DNAH2: variants seen among roughly 807,000 people sequenced by gnomAD.
DNAH2 encodes the protein dynein axonemal heavy chain 2.
A neutral mutation model predicts 523.5 loss-of-function variants in DNAH2; 323 were observed. The observed-to-expected ratio is 0.62, with a 90% CI of 0.56 to 0.68. DNAH2 has a LOEUF of 0.68. DNAH2 is among the 30% of genes least tolerant of loss of function. The pLI is 0.00. For synonymous variants in DNAH2, 2,093 were observed against 2,177.4 expected (o/e 0.96, Z 1.08); for missense variants, 4,907 against 5,701.5 (o/e 0.86, Z 4.49).
chr17:7,771,171 C>T (rs763622919), intron 27 of DNAH2, among the ~76,000 whole-genome samples, 159 bp from the exon 28 acceptor site: 4 of 152,138 alleles, frequency 2.6e-5, no homozygotes, highest in Admixed American at 6.5e-5. Flanking sequence ...TAGCTGGCCC[C>T]CTACCTCCAG....
chr17:7,771,015 C>A, intron 27 of DNAH2, 82 bp downstream of exon 27: 1 of 1,461,750 alleles, frequency 6.8e-7, no homozygotes, highest in South Asian at 1.3e-5. Context: ...GCCCTGTTAT[C>A]AGCCTCATTC....
At chr17:7,753,480 A>G (rs952031395) in intron 12 of DNAH2, among the ~76,000 whole-genome samples, 2 of 152,186 alleles carry the variant, frequency 1.3e-5, no homozygotes, top group African/African-American at 4.8e-5. Flanking sequence ...AGGGAGCTGC[A>G]AGGAAAGCAG....
rs1469022446 is a variant in DNAH2 at position 7,739,769 on chromosome 17, G to A, written c.1207G>A (p.Asp403Asn). 2 of 1,613,718 alleles carry A rather than the reference G, an allele frequency of 1.2e-6. No homozygotes were observed. Among genetic ancestry groups the A allele is most frequent in the East Asian group, 2.2e-5 (1 of 44,898 alleles). Residue 403 changes from aspartate (D) to asparagine (N), a missense_variant, in exon 9 of 86, where the codon GAT becomes AAT. This residue lies in a region of DNAH2 where 2,806 missense variants were observed against 3,190.8 expected (regional missense o/e 0.88). Transcript: ENST00000572933. ...DCQYHFARWE[D>N]GKQGPLPCFF... ...TCAGTATCACTTCGCCCGCTGGGAAGATGGCAAGCAGGGTCCCCTTCCTTG... is the reference window on the plus strand; with the variant it reads ...TCAGTATCACTTCGCCCGCTGGGAAAATGGCAAGCAGGGTCCCCTTCCTTG...
In DNAH2 at chr17:7,758,518, A is replaced by C. The variant is rs761201295; in HGVS notation, c.2075A>C (p.Asp692Ala). Residue 692 changes from aspartate to alanine, a missense_variant, in exon 14 of 86, where the codon GAT (aspartate) becomes GCT (alanine). Asp to Ala is a moderately radical substitution (Grantham distance 126). Around this residue, in one of 3 missense-constraint regions of DNAH2, gnomAD observed 2,806 missense variants for 3,190.8 expected, o/e 0.88. Transcript: ENST00000572933. Reference protein sequence around the residue: ...YNRIIAMLSPDEQALFKERIR... With the variant: ...YNRIIAMLSPAEQALFKERIR... ...AGGATTATTGCCATGCTGTCCCCAGATGAGCAGGCCCTATTCAAAGAGCGT... is the reference window on the plus strand; with the variant it reads ...AGGATTATTGCCATGCTGTCCCCAGCTGAGCAGGCCCTATTCAAAGAGCGT... 6.2e-7 allele frequency: 1 copy of C among 1,614,094 alleles called. No homozygotes were observed. Among genetic ancestry groups the C allele is most frequent in the South Asian group, 1.1e-5 (1 of 91,054 alleles).
At position 7,771,206 on chromosome 17, in the gene DNAH2, T is replaced by G. The variant is rs2076305031; in HGVS notation, c.4363-124T>G. On this transcript the variant is annotated intron_variant, in intron 27 of 85. Coordinates refer to ENST00000572933, the MANE Select transcript of DNAH2 (RefSeq NM_020877.5). ...GCTTTCCTTGTAGAACTTGGGCATC[T>G]TGGCCTTTGACTTCTAGCACTCTGT... The G allele has an allele frequency of 3.5e-6, 5 of 1,413,442 alleles. No individual in the cohort carries two copies. The East Asian group carries it at 1.1e-4, about 32-fold the overall frequency. The allele number at this position is 1,413,442 out of a possible 1,614,324, so 87.6% of individuals were successfully genotyped here.
rs543675554 is a variant in DNAH2 at position 7,819,799 on chromosome 17, T to C, written c.11015+391T>C. Among the ~76,000 whole-genome samples the C allele has an allele frequency of 5.9e-5, 9 of 152,256 alleles. No individual in the cohort carries two copies. In the East Asian group the frequency reaches 1.3e-3, roughly 23 times the overall value. The stretch of plus-strand genomic sequence containing the variant: ...ACTGCTCCTGGTCTGTGGATCACAT[T>C]TGAGCAGCAAGGAACTGGACTTCTC... On this transcript the variant is annotated intron_variant, in intron 72 of 85. Transcript: ENST00000572933.
Position 7,770,334 on chromosome 17 carries a change from C to A in DNAH2, c.4024C>A (p.Leu1342Ile), listed in dbSNP as rs1272003755. The change falls in exon 25 of 86, where the codon CTT becomes ATT. Residue 1342 changes from leucine to isoleucine, a missense_variant. By Grantham distance (5) the Leu-to-Ile change is conservative. Around this residue, in one of 3 missense-constraint regions of DNAH2, gnomAD observed 2,806 missense variants for 3,190.8 expected, o/e 0.88. Coordinates refer to ENST00000572933, the MANE Select transcript of DNAH2 (RefSeq NM_020877.5). ...ESFTLEQIVE[L>I]GMDQHVEKIG... Reference sequence around the variant, plus strand: ...CTTCACCTTGGAGCAGATTGTGGAGCTTGGGATGGATCAGCATGTGGAGAA... The same window carrying A: ...CTTCACCTTGGAGCAGATTGTGGAGATTGGGATGGATCAGCATGTGGAGAA... 6.2e-7 allele frequency: 1 copy of A among 1,614,070 alleles called. No individual in the cohort carries two copies. The highest frequency in any genetic ancestry group is 1.7e-5 in the Admixed American group (1 of 59,992).
rs749196380 is a variant in DNAH2 at position 7,801,938 on chromosome 17, C to G, written c.8893C>G (p.Gln2965Glu). 2.5e-6 allele frequency: 4 copies of G among 1,614,204 alleles called. No homozygotes were observed. The highest frequency in any genetic ancestry group is 2.5e-6 in the Non-Finnish European group (3 of 1,180,036). Residue 2965 changes from glutamine to glutamate, a missense_variant, in exon 58 of 86, where the codon CAG becomes GAG. Physicochemically the swap from Gln to Glu is conservative, Grantham distance 29. Around this residue, in one of 3 missense-constraint regions of DNAH2, gnomAD observed 1,851 missense variants for 2,139.4 expected, o/e 0.87. Coordinates refer to ENST00000572933, the MANE Select transcript of DNAH2 (RefSeq NM_020877.5). ...TMHWSVAQYS[Q>E]KMLLELRRHN... ...GCACTGGTCAGTAGCTCAGTATTCC[C>G]AGAAGATGCTGTTGGAACTGCGGAG...
At chr17:7,805,795 A>G (rs1407291576) in intron 61 of DNAH2, among the ~76,000 whole-genome samples, 2 of 152,154 alleles carry the variant, frequency 1.3e-5, no homozygotes, top group African/African-American at 4.8e-5. Flanking sequence ...CTGAGGCTGC[A>G]GTGAGCCGAG....
Position 7,734,464 on chromosome 17 carries a change from C to G in DNAH2, c.740-6C>G, listed in dbSNP as rs1317771447. ...AACGAAGGAGATTTTGTACTCTCCCCTGCAGCCTCCATGATCCACTGGACC... is the reference window on the plus strand; with the variant it reads ...AACGAAGGAGATTTTGTACTCTCCCGTGCAGCCTCCATGATCCACTGGACC... On this transcript the variant is annotated splice_region_variant and splice_polypyrimidine_tract_variant and intron_variant, in intron 6 of 85. Coordinates refer to ENST00000572933, the MANE Select transcript of DNAH2 (RefSeq NM_020877.5). 5 of 1,613,704 alleles carry G rather than the reference C, an allele frequency of 3.1e-6. No individual in the cohort carries two copies. The highest frequency in any genetic ancestry group is 4.2e-6 in the Non-Finnish European group (5 of 1,179,896).
intron 2 of DNAH2, among the ~76,000 whole-genome samples, chr17:7,720,722 A>G (rs946525459): frequency 8.5e-5 from 13 of 152,306 alleles, no homozygotes; most frequent in African/African-American, 3.1e-4. Flanking sequence ...AAGCGTGGGC[A>G]TGGGAGAAAA....
intron 35 of DNAH2, among the ~76,000 whole-genome samples, 190 bp from the exon 36 acceptor site, chr17:7,779,053 C>T (rs987367479): frequency 5.3e-5 from 8 of 152,214 alleles, no homozygotes; most frequent in African/African-American, 1.9e-4. Flanking sequence ...AGCATCACCC[C>T]AGATTGGCCC....
At chr17:7,734,037 A>T (rs1412076340) in intron 5 of DNAH2, 146 bp from the exon 6 acceptor site, 2 of 669,404 alleles carry the variant, frequency 3.0e-6, no homozygotes, top group Non-Finnish European at 2.5e-6. Flanking sequence ...TCTTGATATC[A>T]AAAAAGCATG....
chr17:7,778,002 C>T (rs1219468080), intron 33 of DNAH2, 75 bp from the exon 34 acceptor site: 2 of 1,345,470 alleles, frequency 1.5e-6, no homozygotes, highest in Non-Finnish European at 1.1e-6. Flanking sequence ...CTCTGAGCCC[C>T]ACTCTCAGTC....
rs368693320 is a variant in DNAH2, at chr17:7,830,676, A to C, written c.12064A>C (p.Ser4022Arg). The C allele has an allele frequency of 1.5e-5, 24 of 1,614,024 alleles. No homozygotes were observed. The African/African-American group carries it at 3.2e-4, about 22-fold the overall frequency. The change falls in exon 79 of 86, where the codon AGC becomes CGC. Residue 4022 changes from serine to arginine, a missense_variant. By Grantham distance (110) the Ser-to-Arg change is moderately radical. This residue lies in a region of DNAH2 where 1,851 missense variants were observed against 2,139.4 expected (regional missense o/e 0.87). Coordinates refer to ENST00000572933, the MANE Select transcript of DNAH2 (RefSeq NM_020877.5). ...SDFEVSENLL[S>R]LYLDEYEETP... Reference sequence around the variant, plus strand: ...TGCCTAGGTGTCAGAAAACTTGCTGAGCCTCTATCTCGATGAGTACGAGGA... The same window carrying C: ...TGCCTAGGTGTCAGAAAACTTGCTGCGCCTCTATCTCGATGAGTACGAGGA...
At chr17:7,726,197 G>A (rs2074803586) in intron 3 of DNAH2, among the ~76,000 whole-genome samples, 1 of 151,938 alleles carries the variant, frequency 6.6e-6, no homozygotes, top group Admixed American at 6.6e-5. Flanking sequence ...GTAGAGATGG[G>A]GTTTCACCAT....
chr17:7,750,281 A>G (rs1597526714), intron 12 of DNAH2, among the ~76,000 whole-genome samples: 1 of 152,114 alleles, frequency 6.6e-6, no homozygotes, highest in Non-Finnish European at 1.5e-5. Flanking sequence ...ACAATCTGAC[A>G]TACTGGGTAT....
In DNAH2 at chr17:7,749,074, C is replaced by T. The variant is rs377484141; in HGVS notation, c.1904+5932C>T. On this transcript the variant is annotated intron_variant, in intron 12 of 85. Transcript: ENST00000572933. Reference sequence around the variant, plus strand: ...CTGTAATCCCAGCACTTTGGGAGGCCGAGGTGGGTGGATCACCTGAGGTCA... The same window carrying T: ...CTGTAATCCCAGCACTTTGGGAGGCTGAGGTGGGTGGATCACCTGAGGTCA... 2.7e-4 allele frequency among the ~76,000 whole-genome samples: 41 copies of T among 150,902 alleles called. 1 individual carries two copies. The highest frequency in any genetic ancestry group is 6.8e-3 in the Middle Eastern group (2 of 292).
chr17:7,801,654 C>T lies in DNAH2; in HGVS notation c.8776C>T (p.Leu2926=). 1 of 1,614,194 alleles carries T rather than the reference C, an allele frequency of 6.2e-7. No individual in the cohort carries two copies. Among genetic ancestry groups the T allele is most frequent in the Non-Finnish European group, 8.5e-7 (1 of 1,180,034 alleles). The change falls in exon 57 of 86, where the codon CTG becomes TTG. Residue 2926 remains leucine (L), a synonymous_variant. Coordinates refer to ENST00000572933, the MANE Select transcript of DNAH2 (RefSeq NM_020877.5). ...NWFSEWPQEA[L]LEVAEKCLIG... ...GTTCTCAGAGTGGCCCCAAGAGGCC[C>T]TGCTCGAGGTGGCTGAGAAGTGCCT...
Sources: allele counts gnomAD v4.1 joint callset (sites outside exome capture counted in the v4.1 genomes callset), GRCh38; gene constraint gnomAD v4.1.1; regional missense constraint gnomAD v4.1.1; transcripts MANE v1.5; gene names NCBI Gene and HGNC (gene_info 2026-07-23, HGNC 2026-07-21).